RECK: variants seen among roughly 807,000 people sequenced by gnomAD.
RECK encodes the protein reversion-inducing cysteine-rich protein with Kazal motifs.
RECK carries 69 observed loss-of-function variants against 115.1 expected under a neutral mutation model. That is an observed-to-expected ratio of 0.60 (90% CI 0.49 to 0.73). RECK has a LOEUF of 0.73. Among genes scored for constraint, RECK ranks in the 30% least tolerant of loss-of-function variants. The pLI is 0.00. For missense variants in RECK, 1,047 were observed against 1,203.7 expected (o/e 0.87, Z 1.93); for synonymous variants, 414 against 419.7 (o/e 0.99, Z 0.17).
chr9:36,086,612 CT>C (rs1463666116), intron 8 of RECK, among the ~76,000 whole-genome samples: 4 of 152,118 alleles, frequency 2.6e-5, no homozygotes, highest in Non-Finnish European at 5.9e-5. Context: ...CTTTTATTCC[CT>C]TATTTGGCCC....
intron 5 of RECK, among the ~76,000 whole-genome samples, chr9:36,064,208 A>C (rs189339006): frequency 3.3e-4 from 50 of 152,310 alleles, no homozygotes; most frequent in African/African-American, 1.1e-3. Flanking sequence ...AATGTAGGCT[A>C]TGCTTGGATG....
intron 1 of RECK, among the ~76,000 whole-genome samples, chr9:36,042,004 A>C (rs13440428): frequency 0.087 from 13,223 of 152,042 alleles, 703 homozygotes; most frequent in East Asian, 0.29. Flanking sequence ...TAATATAGTG[A>C]GAGAAATTTT....
intron 8 of RECK, 117 bp from the exon 9 acceptor site, chr9:36,087,577 A>G: frequency 1.0e-6 from 1 of 993,252 alleles, no homozygotes; most frequent in Middle Eastern, 2.9e-4. Context: ...CCACCATGGC[A>G]TGTGTATACC....
rs142383795 is a variant in RECK at position 36,118,903 on chromosome 9, C to T, written c.2400C>T (p.Ala800=). Residue 800 remains alanine, a synonymous_variant, in exon 18 of 21, where the codon GCC becomes GCT. Transcript: ENST00000377966. ...TCCTCTCAGAGCACAGCTCCGTCGC[C>T]GAGTGTGCTTCTGTCAAGTGTCCTT... ...VGVLSEHSSV[A]ECASVKCPSL... 23 of 1,613,582 alleles carry T rather than the reference C, an allele frequency of 1.4e-5. No individual in the cohort carries two copies. Among genetic ancestry groups the T allele is most frequent in the East Asian group, 6.7e-5 (3 of 44,900 alleles).
Position 36,060,102 on chromosome 9 carries a change from GT to G in RECK, c.235-15del, listed in dbSNP as rs762008917. The G allele has an allele frequency of 7.4e-6, 12 of 1,612,722 alleles. No individual in the cohort carries two copies. Among genetic ancestry groups the G allele is most frequent in the Non-Finnish European group, 9.3e-6 (11 of 1,179,190 alleles). On this transcript the variant is annotated splice_polypyrimidine_tract_variant and intron_variant, in intron 3 of 20. Coordinates refer to ENST00000377966, the MANE Select transcript of RECK (RefSeq NM_021111.3). The stretch of plus-strand genomic sequence containing the variant: ...CTGGTTATCTACATAAAAGCCTTTT[GT>G]TGGGTACACTTTTAGGTTGAAATTT...
chr9:36,098,257 A>C (rs1823434652), intron 10 of RECK, among the ~76,000 whole-genome samples: 1 of 152,262 alleles, frequency 6.6e-6, no homozygotes, highest in Non-Finnish European at 1.5e-5. Context: ...GAGGTAATGC[A>C]TATTTTAATT....
intron 10 of RECK, 94 bp from the exon 11 acceptor site, chr9:36,100,237 T>A (rs1396468536): frequency 4.5e-5 from 44 of 986,204 alleles, no homozygotes; most frequent in Non-Finnish European, 6.5e-5. Flanking sequence ...GAAAACCAGA[T>A]TTTTCTGATG....
Position 36,110,610 on chromosome 9 carries a change from G to A in RECK, c.1888+531G>A, listed in dbSNP as rs11789864. On this transcript the variant is annotated intron_variant, in intron 15 of 20. Coordinates refer to ENST00000377966, the MANE Select transcript of RECK (RefSeq NM_021111.3). ...TAGTGAGATGGGATGCTTTCCTCTC[G>A]TGAAGCTATTATTGCCAATAGCAAC... Among the ~76,000 whole-genome samples, 797 of 152,204 alleles carry A rather than the reference G, an allele frequency of 5.2e-3. 2 individuals carry two copies. Among genetic ancestry groups the A allele is most frequent in the Non-Finnish European group, 9.5e-3 (644 of 68,006 alleles).
intron 11 of RECK, 67 bp downstream of exon 11, chr9:36,100,610 C>A: frequency 1.7e-6 from 2 of 1,206,342 alleles, no homozygotes; most frequent in South Asian, 1.3e-5. Context: ...CTAGCCAGAG[C>A]CTCTCCATAG....
At chr9:36,048,434 G>A (rs1253015430) in intron 1 of RECK, among the ~76,000 whole-genome samples, 1 of 151,994 alleles carries the variant, frequency 6.6e-6, no homozygotes, top group Non-Finnish European at 1.5e-5. Context: ...ATGAAGCAGT[G>A]TTGTTTTGAA....
chr9:36,096,805 A>T (rs983286892), intron 10 of RECK, among the ~76,000 whole-genome samples: 5 of 152,168 alleles, frequency 3.3e-5, no homozygotes, highest in Admixed American at 3.3e-4. Flanking sequence ...AAAGAAAAAA[A>T]TGAATTAGAC....
intron 10 of RECK, among the ~76,000 whole-genome samples, chr9:36,096,316 T>A (rs1823337644): frequency 6.6e-6 from 1 of 151,184 alleles, no homozygotes; most frequent in East Asian, 2.0e-4. Context: ...GTGGGTGGAT[T>A]ACCTGACGTC....
At chr9:36,099,059 C>A (rs1466426617) in intron 10 of RECK, among the ~76,000 whole-genome samples, 2 of 152,058 alleles carry the variant, frequency 1.3e-5, no homozygotes, top group Non-Finnish European at 2.9e-5. Flanking sequence ...AACCTTGTCT[C>A]TAAAGAAAAT....
chr9:36,053,416 A>G (rs1448184545), intron 2 of RECK, among the ~76,000 whole-genome samples: 1 of 152,206 alleles, frequency 6.6e-6, no homozygotes, highest in Non-Finnish European at 1.5e-5. Context: ...AACTTCTCAT[A>G]AGCAATAATA....
At chr9:36,080,014 T>A (rs1822620543) in intron 6 of RECK, among the ~76,000 whole-genome samples, 2 of 152,184 alleles carry the variant, frequency 1.3e-5, no homozygotes. Context: ...TTTCTTCATC[T>A]GTAAAATGAT....
chr9:36,090,431 T>C (rs1284671680), intron 9 of RECK, among the ~76,000 whole-genome samples: 1 of 152,076 alleles, frequency 6.6e-6, no homozygotes, highest in East Asian at 1.9e-4. Context: ...ACAGTCAAAA[T>C]ATAAGGTGAA....
intron 2 of RECK, among the ~76,000 whole-genome samples, chr9:36,053,244 CT>C (rs1311359288): frequency 6.6e-6 from 1 of 152,176 alleles, no homozygotes; most frequent in African/African-American, 2.4e-5. Flanking sequence ...CACTGAAGCA[CT>C]ACCCATTCAT....
chr9:36,065,541 T>G (rs1243333676), intron 5 of RECK, 36 bp from the exon 6 acceptor site: 1 of 1,536,568 alleles, frequency 6.5e-7, no homozygotes, highest in East Asian at 2.3e-5. Flanking sequence ...GAATAGCATG[T>G]ATAATAAATT....
intron 2 of RECK, among the ~76,000 whole-genome samples, chr9:36,058,159 A>T (rs200130849): frequency 0.019 from 2,916 of 151,822 alleles, 66 homozygotes; most frequent in East Asian, 0.061. Context: ...CTGGGTATAT[A>T]CCCAAAGGAC....
Sources: gnomAD v4.1 joint callset for allele counts (sites outside exome capture counted in the v4.1 genomes callset) on GRCh38, gnomAD v4.1.1 for gene constraint, MANE v1.5 for transcripts, NCBI Gene and HGNC (gene_info 2026-07-23, HGNC 2026-07-21) for gene names.